ZNF609: variants seen among roughly 807,000 people sequenced by gnomAD.
The protein encoded by ZNF609 is zinc finger protein 609.
A neutral mutation model predicts 109.5 loss-of-function variants in ZNF609; 11 were observed. The ratio of observed to expected loss-of-function variants is 0.10; its 90% CI spans 0.06 to 0.17. The LOEUF is 0.17. Ranked by LOEUF, ZNF609 falls within the 10% of genes least tolerant of loss-of-function variation. The pLI is 1.00. For missense variants in ZNF609, 1,559 were observed against 1,772.4 expected, an observed-to-expected ratio of 0.88 and a Z score of 2.16; for synonymous variants, 646 against 662.0, an observed-to-expected ratio of 0.98 and a Z score of 0.37.
intron 2 of ZNF609, among the ~76,000 whole-genome samples, chr15:64,583,552 A>G (rs1046381062): frequency 6.6e-6 from 1 of 151,966 alleles, no homozygotes; most frequent in African/African-American, 2.4e-5. Flanking sequence ...TTTTTCCCTT[A>G]GAGGAATCAA....
chr15:64,563,304 G>C (rs1478273957), intron 2 of ZNF609, among the ~76,000 whole-genome samples: 11 of 143,290 alleles, frequency 7.7e-5, no homozygotes, highest in African/African-American at 2.6e-4. Flanking sequence ...ACAGAAATTA[G>C]CCAGGTGTGG....
In ZNF609 at chr15:64,677,005, G is replaced by A. The variant is rs187465751; in HGVS notation, c.3402+749G>A. Among the ~76,000 whole-genome samples, 158 of 151,958 alleles carry A rather than the reference G, an allele frequency of 1.0e-3. 1 individual carries two copies. Among genetic ancestry groups the A allele is most frequent in the African/African-American group, 3.4e-3 (139 of 41,418 alleles). ...CCTGACCTTGTGATCCACCCACCTC[G>A]GCCTCCCAAAGTACCTGGATTAAGG... On this transcript the variant is annotated intron_variant, in intron 5 of 9. Transcript: ENST00000326648.
chr15:64,461,941 G>C (rs1411344667), intron 1 of ZNF609, among the ~76,000 whole-genome samples: 1 of 152,154 alleles, frequency 6.6e-6, no homozygotes, highest in Non-Finnish European at 1.5e-5. Context: ...GGAGATGACT[G>C]TTCTGCTGCC....
At chr15:64,641,215 C>CTTTTTTTTTTTTTTT (rs1437729494) in intron 3 of ZNF609, among the ~76,000 whole-genome samples, 1 of 18,130 alleles carries the variant, frequency 5.5e-5, no homozygotes, top group African/African-American at 1.5e-4. Context: ...TACACTTGTG[C>CTTTTTTTTTTTTTTT]TTTCTTTTTT....
intron 2 of ZNF609, among the ~76,000 whole-genome samples, chr15:64,568,111 T>C (rs1214667548): frequency 6.6e-6 from 1 of 152,228 alleles, no homozygotes; most frequent in Non-Finnish European, 1.5e-5. Flanking sequence ...TTTGTTTTGC[T>C]GAACAGTTTG....
At chr15:64,582,908 C>T (rs1895134216) in intron 2 of ZNF609, among the ~76,000 whole-genome samples, 2 of 151,436 alleles carry the variant, frequency 1.3e-5, no homozygotes, top group African/African-American at 4.8e-5. Flanking sequence ...CCCGCCATCA[C>T]GCCCGGCTAA....
At chr15:64,558,374 A>G (rs1410618384) in intron 2 of ZNF609, among the ~76,000 whole-genome samples, 4 of 152,150 alleles carry the variant, frequency 2.6e-5, no homozygotes, top group Non-Finnish European at 5.9e-5. Context: ...CCTCATCTAT[A>G]CAATGTGAAT....
At chr15:64,630,527 T>C (rs1185723538) in intron 3 of ZNF609, among the ~76,000 whole-genome samples, 4 of 152,170 alleles carry the variant, frequency 2.6e-5, no homozygotes, top group African/African-American at 9.7e-5. Context: ...AAGTGGAATG[T>C]AGAAATCTTA....
In ZNF609 at chr15:64,619,146, G is replaced by T. The variant is rs148395549; in HGVS notation, c.748-3681G>T. Among the ~76,000 whole-genome samples, 221 of 152,258 alleles carry T rather than the reference G, an allele frequency of 1.5e-3. 1 individual carries two copies. The highest frequency in any genetic ancestry group is 4.7e-3 in the African/African-American group (196 of 41,560). ...AGGTGTGTGCCAACACACCCAGCTAGTTGTTTTTGTTTTTGTTTTTGTTTT... is the reference window on the plus strand; with the variant it reads ...AGGTGTGTGCCAACACACCCAGCTATTTGTTTTTGTTTTTGTTTTTGTTTT... On this transcript the variant is annotated intron_variant, in intron 2 of 9. Transcript: ENST00000326648.
intron 2 of ZNF609, among the ~76,000 whole-genome samples, chr15:64,603,204 G>A (rs1038946460): frequency 6.6e-6 from 1 of 151,386 alleles, no homozygotes; most frequent in Non-Finnish European, 1.5e-5. Context: ...AGATAATGGC[G>A]TCAGAAATCT....
At chr15:64,588,200 G>A (rs1185467613) in intron 2 of ZNF609, among the ~76,000 whole-genome samples, 6 of 149,870 alleles carry the variant, frequency 4.0e-5, no homozygotes, top group South Asian at 2.1e-4. Flanking sequence ...AGGCCGAGGC[G>A]GGCGGATCAC....
At chr15:64,561,496 A>G (rs1894678980) in intron 2 of ZNF609, among the ~76,000 whole-genome samples, 1 of 147,174 alleles carries the variant, frequency 6.8e-6, no homozygotes, top group African/African-American at 2.5e-5. Flanking sequence ...CTCCCTTTTT[A>G]TAATGTAAAA....
chr15:64,477,140 T>C lies in ZNF609; in HGVS notation c.-128+16302T>C, dbSNP rs7181331. The stretch of plus-strand genomic sequence containing the variant: ...CCCTTGCTTACTCTTCTCTTTCTTT[T>C]TTTTTTTTTTTTTTTTTTGAGACGG... On this transcript the variant is annotated intron_variant, in intron 1 of 9. Coordinates refer to ENST00000326648, the MANE Select transcript of ZNF609 (RefSeq NM_015042.2). Among the ~76,000 whole-genome samples, 84 of 144,670 alleles carry C rather than the reference T, an allele frequency of 5.8e-4. 1 individual carries two copies. The highest frequency in any genetic ancestry group is 1.2e-3 in the African/African-American group (47 of 38,894). 94.9% of individuals were successfully genotyped at this position (144,670 alleles called of 152,430 possible). A position where few individuals can be genotyped will look rare whatever the true frequency, so the allele number is the denominator to read the frequency against.
chr15:64,573,554 G>T (rs1481102419), intron 2 of ZNF609, among the ~76,000 whole-genome samples: 1 of 150,870 alleles, frequency 6.6e-6, no homozygotes, highest in Non-Finnish European at 1.5e-5. Context: ...TTTTAGTAGA[G>T]ATGGGGTTTC....
At chr15:64,504,679 C>T (rs1893608834) in intron 2 of ZNF609, among the ~76,000 whole-genome samples, 1 of 151,040 alleles carries the variant, frequency 6.6e-6, no homozygotes, top group Non-Finnish European at 1.5e-5. Flanking sequence ...TAGGGGTTCA[C>T]CATGTTGGCC....
intron 2 of ZNF609, among the ~76,000 whole-genome samples, chr15:64,566,865 A>G (rs1489063092): frequency 6.6e-6 from 1 of 152,152 alleles, no homozygotes; most frequent in Non-Finnish European, 1.5e-5. Flanking sequence ...GGAGGCCACC[A>G]TTCTCTTCCA....
chr15:64,590,069 C>T (rs1895267869), intron 2 of ZNF609, among the ~76,000 whole-genome samples: 1 of 152,118 alleles, frequency 6.6e-6, no homozygotes, highest in East Asian at 1.9e-4. Context: ...GAAAAAAACA[C>T]ACTGCACATG....
intron 2 of ZNF609, among the ~76,000 whole-genome samples, chr15:64,602,936 G>A (rs1222038291): frequency 3.1e-5 from 3 of 97,748 alleles, no homozygotes; most frequent in Non-Finnish European, 6.2e-5. Flanking sequence ...TAGTAGAGAC[G>A]GGGTTTCACT....
intron 1 of ZNF609, among the ~76,000 whole-genome samples, chr15:64,461,782 C>T (rs753944190): frequency 2.6e-5 from 4 of 152,152 alleles, no homozygotes; most frequent in Non-Finnish European, 5.9e-5. Flanking sequence ...TGTTTCCAGC[C>T]ATGTGTCCAG....
Sources: allele counts gnomAD v4.1 joint callset (sites outside exome capture counted in the v4.1 genomes callset), GRCh38; gene constraint gnomAD v4.1.1; transcripts MANE v1.5; gene names NCBI Gene and HGNC (gene_info 2026-07-23, HGNC 2026-07-21).